Variants in DPP10 observed in about 807,000 individuals in gnomAD.
DPP10 encodes the protein dipeptidyl peptidase like 10.
DPP10 carries 33 observed loss-of-function variants against 120.9 expected under a neutral mutation model. That is an observed-to-expected ratio of 0.27 (90% CI 0.21 to 0.37). The LOEUF is 0.37. DPP10 is among the 10% of genes least tolerant of loss of function. The pLI is 1.00. For missense variants in DPP10, 816 were observed against 942.8 expected (o/e 0.87, Z 1.76); for synonymous variants, 337 against 326.1 (o/e 1.03, Z -0.36).
At chr2:115,040,341 T>G (rs1250035826) in intron 1 of DPP10, among the ~76,000 whole-genome samples, 1 of 151,866 alleles carries the variant, frequency 6.6e-6, no homozygotes, top group African/African-American at 2.4e-5. Context: ...CTCCTCAGAG[T>G]TAGCAGGGTT....
chr2:115,789,889 C>T (rs1261960564), intron 17 of DPP10, among the ~76,000 whole-genome samples: 2 of 151,792 alleles, frequency 1.3e-5, no homozygotes, highest in South Asian at 4.2e-4. Flanking sequence ...GGAATAAATC[C>T]GATAAAAATG....
At chr2:115,562,169 C>T (rs532761081) in intron 5 of DPP10, among the ~76,000 whole-genome samples, 4 of 152,306 alleles carry the variant, frequency 2.6e-5, no homozygotes, top group South Asian at 4.1e-4. Context: ...TCAAAGTCAT[C>T]GGGCTGTACA....
intron 1 of DPP10, among the ~76,000 whole-genome samples, chr2:115,183,979 G>T (rs1301549298): frequency 6.6e-6 from 1 of 152,112 alleles, no homozygotes; most frequent in Non-Finnish European, 1.5e-5. Flanking sequence ...GAGGAGAGGT[G>T]CACAAGCCAA....
At chr2:114,884,261 T>A (rs1263816846) in intron 1 of DPP10, among the ~76,000 whole-genome samples, 1 of 152,230 alleles carries the variant, frequency 6.6e-6, no homozygotes, top group Non-Finnish European at 1.5e-5. Flanking sequence ...GAGATTGCTG[T>A]CAATATTTTT....
At chr2:115,703,575 T>C (rs2091977800) in intron 7 of DPP10, among the ~76,000 whole-genome samples, 1 of 151,996 alleles carries the variant, frequency 6.6e-6, no homozygotes, top group Non-Finnish European at 1.5e-5. Flanking sequence ...TAGGCACAAT[T>C]TCTTGAAGCA....
At chr2:114,624,840 C>T (rs998546780) in intron 1 of DPP10, among the ~76,000 whole-genome samples, 2 of 151,894 alleles carry the variant, frequency 1.3e-5, no homozygotes, top group Non-Finnish European at 2.9e-5. Context: ...AGCACATCAT[C>T]CATCTTCAAC....
At chr2:115,734,884 T>C (rs950931572) in intron 8 of DPP10, among the ~76,000 whole-genome samples, 7 of 151,974 alleles carry the variant, frequency 4.6e-5, no homozygotes, top group African/African-American at 1.7e-4. Context: ...GAGTTTAAGC[T>C]ATGAAGGGGC....
chr2:115,266,352 C>G (rs886497093), intron 1 of DPP10, among the ~76,000 whole-genome samples: 1 of 152,120 alleles, frequency 6.6e-6, no homozygotes, highest in Admixed American at 6.5e-5. Context: ...TCGATATGCA[C>G]CATGGTCACC....
At chr2:115,830,037 ATTTTATGGACATAGC>A (rs970256184) in intron 21 of DPP10, among the ~76,000 whole-genome samples, 1 of 152,076 alleles carries the variant, frequency 6.6e-6, no homozygotes, top group Non-Finnish European at 1.5e-5. Flanking sequence ...TAGAAGCAAA[ATTTTATGGACATAGC>A]TTCTTTAAAA....
At chr2:115,082,742 T>A (rs945306312) in intron 1 of DPP10, among the ~76,000 whole-genome samples, 1 of 152,174 alleles carries the variant, frequency 6.6e-6, no homozygotes, top group African/African-American at 2.4e-5. Context: ...TACAGATGCA[T>A]GAGCAATCTC....
intron 3 of DPP10, among the ~76,000 whole-genome samples, chr2:115,415,113 C>G (rs1390557426): frequency 1.3e-5 from 2 of 152,160 alleles, no homozygotes; most frequent in East Asian, 1.9e-4. Context: ...TTTACCCTTA[C>G]TAGGTGGTTT....
intron 1 of DPP10, among the ~76,000 whole-genome samples, chr2:114,874,976 C>A (rs1691032512): frequency 6.6e-6 from 1 of 152,040 alleles, no homozygotes; most frequent in South Asian, 2.1e-4. Flanking sequence ...CAACAGTTCC[C>A]AATGTTACCT....
intron 1 of DPP10, among the ~76,000 whole-genome samples, chr2:115,026,535 TTTTC>T: frequency 6.6e-6 from 1 of 152,234 alleles, no homozygotes; most frequent in Middle Eastern, 3.4e-3. Context: ...TTTCTATTCC[TTTTC>T]TTTGTTTTCT....
chr2:115,079,683 C>T (rs1708107040), intron 1 of DPP10, among the ~76,000 whole-genome samples: 1 of 152,088 alleles, frequency 6.6e-6, no homozygotes, highest in Admixed American at 6.5e-5. Context: ...CTATACTACC[C>T]AAGGTCAGTC....
intron 1 of DPP10, among the ~76,000 whole-genome samples, chr2:114,539,199 A>G (rs1353969549): frequency 1.3e-5 from 2 of 148,620 alleles, no homozygotes; most frequent in South Asian, 2.1e-4. Context: ...TATAAATTAT[A>G]TTTATAATTA....
intron 1 of DPP10, among the ~76,000 whole-genome samples, chr2:115,010,751 T>A (rs1274553202): frequency 6.6e-6 from 1 of 152,202 alleles, no homozygotes; most frequent in Non-Finnish European, 1.5e-5. Flanking sequence ...ATAGGTTTAG[T>A]GAGTTCATGA....
intron 1 of DPP10, among the ~76,000 whole-genome samples, chr2:115,139,097 T>C (rs2050789164): frequency 6.6e-6 from 1 of 152,210 alleles, no homozygotes; most frequent in Non-Finnish European, 1.5e-5. Flanking sequence ...GAAAACTCTA[T>C]TTTCCAAGAA....
At chr2:115,366,995 C>T (rs1273956081) in intron 3 of DPP10, among the ~76,000 whole-genome samples, 2 of 152,036 alleles carry the variant, frequency 1.3e-5, no homozygotes, top group Non-Finnish European at 2.9e-5. Context: ...TCACTATCTT[C>T]TTAACCCATC....
intron 1 of DPP10, among the ~76,000 whole-genome samples, chr2:114,597,672 T>C (rs1417248301): frequency 6.6e-6 from 1 of 151,980 alleles, no homozygotes; most frequent in Admixed American, 6.6e-5. Context: ...CTTGACTCCT[T>C]CCTACTACAA....
Sources: gnomAD v4.1 joint callset for allele counts (sites outside exome capture counted in the v4.1 genomes callset) on GRCh38, gnomAD v4.1.1 for gene constraint, MANE v1.5 for transcripts, NCBI Gene and HGNC (gene_info 2026-07-23, HGNC 2026-07-21) for gene names.